The following TRIM41 variants were observed in gnomAD, a reference collection of about 807,000 sequenced individuals.
The protein encoded by TRIM41 is tripartite motif containing 41.
In TRIM41, 21 loss-of-function variants were observed where a neutral mutation model predicts 60.6. That is an observed-to-expected ratio of 0.35 (90% CI 0.25 to 0.50). The LOEUF (loss-of-function observed/expected upper bound fraction) is 0.50, where lower values mean the gene tolerates loss of function less well. Ranked by LOEUF, TRIM41 falls within the 20% of genes least tolerant of loss-of-function variation. The pLI is 0.98. For synonymous variants in TRIM41, 407 were observed against 344.9 expected (o/e 1.18, Z -2.00); for missense variants, 846 against 868.3 (o/e 0.97, Z 0.32).
chr5:181,234,223 C>G lies in TRIM41; in HGVS notation c.1341C>G (p.Ser447=). 1 of 1,613,342 alleles carries G rather than the reference C, an allele frequency of 6.2e-7. No homozygotes were observed. Among genetic ancestry groups the G allele is most frequent in the Non-Finnish European group, 8.5e-7 (1 of 1,179,984 alleles). The part of the protein sequence containing the change: ...PDTAHPALML[S]PDRRGVRLAE... ...CGGCTCACCCGGCCCTGATGCTGTCCCCTGACCGCCGGGGGGTCCGCCTGG... is the reference window on the plus strand; with the variant it reads ...CGGCTCACCCGGCCCTGATGCTGTCGCCTGACCGCCGGGGGGTCCGCCTGG... Residue 447 remains serine, a synonymous_variant, in exon 6 of 6, where the codon TCC becomes TCG. Coordinates refer to ENST00000315073, the MANE Select transcript of TRIM41 (RefSeq NM_033549.5). This position sits in a 1 kb window ranked among gnomAD's most constrained non-coding sequence, Gnocchi z 5.6.
rs370847762 is a variant in TRIM41, at chr5:181,233,669, C to T, written c.1197C>T (p.Val399=). Residue 399 remains valine (V), a synonymous_variant, in exon 5 of 6, where the codon GTC becomes GTT. Transcript: ENST00000315073. The surrounding 1 kb of genome is among the most constrained non-coding windows in gnomAD (Gnocchi z 4.1). ...CEEVQLQPPE[V]WSPDPCQPHS... Reference sequence around the variant, plus strand: ...AGGTACAGCTGCAGCCCCCAGAGGTCTGGTCCCCTGACCCGTGCCAACCCC... The same window carrying T: ...AGGTACAGCTGCAGCCCCCAGAGGTTTGGTCCCCTGACCCGTGCCAACCCC... The T allele has an allele frequency of 3.2e-5, 52 of 1,614,122 alleles. No individual in the cohort carries two copies. The highest frequency in any genetic ancestry group is 3.8e-5 in the Non-Finnish European group (45 of 1,180,052).
intron 1 of TRIM41, 151 bp downstream of exon 1, chr5:181,224,963 A>C (rs1758483893): frequency 1.1e-6 from 1 of 915,362 alleles, no homozygotes. Context: ...ACTGCCACCA[A>C]GGTGGATTAG....
Position 181,234,475 on chromosome 5 carries a change from C to T in TRIM41, c.1593C>T (p.His531=), listed in dbSNP as rs1188892149. ...GSGDASSSRH[H]HRRRRLHLPQ... is the part of the protein sequence containing the mutation. ...GGGATGCCAGCTCCTCGCGCCATCA[C>T]CATCGCCGCCGCCGGCTCCACCTGC... Residue 531 remains histidine (H), a synonymous_variant, in exon 6 of 6, where the codon CAC becomes CAT. Coordinates refer to ENST00000315073, the MANE Select transcript of TRIM41 (RefSeq NM_033549.5). The surrounding 1 kb of genome is among the most constrained non-coding windows in gnomAD (Gnocchi z 5.6). 4 of 1,613,262 alleles carry T rather than the reference C, an allele frequency of 2.5e-6. No individual in the cohort carries two copies. The highest frequency in any genetic ancestry group is 3.3e-5 in the Admixed American group (2 of 59,954).
chr5:181,232,710 A>G lies in TRIM41; in HGVS notation c.961A>G (p.Thr321Ala), dbSNP rs1758857507. Residue 321 changes from threonine to alanine, a missense_variant, in exon 3 of 6, where the codon ACA (threonine) becomes GCA (alanine). Transcript: ENST00000315073. ...AAVASEFGRL[T>A]RFLAEEQAGL... ...GGTGGCCTCGGAGTTTGGGCGACTGACACGGTTTCTGGCTGAAGAGCAGGC... is the reference window on the plus strand; with the variant it reads ...GGTGGCCTCGGAGTTTGGGCGACTGGCACGGTTTCTGGCTGAAGAGCAGGC... 1 of 1,614,014 alleles carries G rather than the reference A, an allele frequency of 6.2e-7. No individual in the cohort carries two copies. Among genetic ancestry groups the G allele is most frequent in the African/African-American group, 1.3e-5 (1 of 74,940 alleles).
chr5:181,234,550 C>T lies in TRIM41; in HGVS notation c.1668C>T (p.Gly556=), dbSNP rs756043941. Residue 556 remains glycine, a synonymous_variant, in exon 6 of 6, where the codon GGC becomes GGT. Coordinates refer to ENST00000315073, the MANE Select transcript of TRIM41 (RefSeq NM_033549.5). The surrounding 1 kb of genome is among the most constrained non-coding windows in gnomAD (Gnocchi z 5.6). ...QREVWCVGTN[G]KRYQAQSSTE... ...AAGTGTGGTGCGTGGGCACCAACGG[C>T]AAACGCTATCAGGCCCAGAGCTCCA... 1.2e-6 allele frequency: 2 copies of T among 1,614,234 alleles called. No individual in the cohort carries two copies. Among genetic ancestry groups the T allele is most frequent in the South Asian group, 2.2e-5 (2 of 91,086 alleles).
At position 181,235,452 on chromosome 5, in the gene TRIM41, T is replaced by C. The variant is rs1759066860; in HGVS notation, c.*677T>C. The C allele has an allele frequency of 6.2e-7, 1 of 1,606,350 alleles. No homozygotes were observed. The highest frequency in any genetic ancestry group is 1.1e-5 in the South Asian group (1 of 90,330). On this transcript the variant is annotated 3_prime_UTR_variant, in exon 6 of 6. Coordinates refer to ENST00000315073, the MANE Select transcript of TRIM41 (RefSeq NM_033549.5). The stretch of plus-strand genomic sequence containing the variant: ...CATCATTACATTAATTACATCAACA[T>C]AAATTATTTCTTCCCCCTTCCCTTT...
In TRIM41 at chr5:181,230,846, G is replaced by A. The variant is rs1561671596; in HGVS notation, c.909+7G>A. The A allele has an allele frequency of 1.9e-6, 3 of 1,610,970 alleles. No individual in the cohort carries two copies. In the South Asian group the frequency reaches 3.3e-5, roughly 18 times the overall value. ...GCGAGTGACAGAACTGAAGGTGGGTGAATGTTCTCGACGGGGCTGATGGGC... is the reference window on the plus strand; with the variant it reads ...GCGAGTGACAGAACTGAAGGTGGGTAAATGTTCTCGACGGGGCTGATGGGC... On this transcript the variant is annotated splice_region_variant and intron_variant, in intron 2 of 5. Coordinates refer to ENST00000315073, the MANE Select transcript of TRIM41 (RefSeq NM_033549.5).
rs369629118 is a variant in TRIM41 at position 181,234,547 on chromosome 5, C to T, written c.1665C>T (p.Asn555=). ...GGGAAGTGTGGTGCGTGGGCACCAA[C>T]GGCAAACGCTATCAGGCCCAGAGCT... ...LQREVWCVGT[N]GKRYQAQSST... The change falls in exon 6 of 6, where the codon AAC becomes AAT. Residue 555 remains asparagine (N), a synonymous_variant. Coordinates refer to ENST00000315073, the MANE Select transcript of TRIM41 (RefSeq NM_033549.5). The surrounding 1 kb of genome is among the most constrained non-coding windows in gnomAD (Gnocchi z 5.6). The T allele has an allele frequency of 4.4e-5, 71 of 1,614,100 alleles. No individual in the cohort carries two copies. The highest frequency in any genetic ancestry group is 1.5e-4 in the African/African-American group (11 of 74,938).
intron 2 of TRIM41, chr5:181,231,173 G>A (rs536455768): frequency 5.7e-5 from 18 of 313,514 alleles, no homozygotes; most frequent in Admixed American, 2.8e-4. Flanking sequence ...AGAAGCTGCC[G>A]GCCCCAGGAT....
At position 181,234,067 on chromosome 5, in the gene TRIM41, G is replaced by A; in HGVS notation, c.1292-107G>A. ...ATCTGAGGCTGGCCTCTGGGATGGTGTGGGGAGCTGGATTCAGGGAGAAAG... is the reference window on the plus strand; with the variant it reads ...ATCTGAGGCTGGCCTCTGGGATGGTATGGGGAGCTGGATTCAGGGAGAAAG... On this transcript the variant is annotated intron_variant, in intron 5 of 5. Transcript: ENST00000315073. This position sits in a 1 kb window ranked among gnomAD's most constrained non-coding sequence, Gnocchi z 5.6. The A allele has an allele frequency of 6.4e-7, 1 of 1,569,142 alleles. No individual in the cohort carries two copies. The highest frequency in any genetic ancestry group is 8.7e-7 in the Non-Finnish European group (1 of 1,154,794).
Position 181,233,789 on chromosome 5 carries a change from CCTTT to C in TRIM41, c.1291+27_1291+30del. The C allele has an allele frequency of 6.2e-7, 1 of 1,614,168 alleles. No homozygotes were observed. The highest frequency in any genetic ancestry group is 1.7e-5 in the Admixed American group (1 of 60,026). On this transcript the variant is annotated intron_variant, in intron 5 of 5. Transcript: ENST00000315073. The surrounding 1 kb of genome is among the most constrained non-coding windows in gnomAD (Gnocchi z 4.1). ...GTAGGGAGGTCACCTCCACGACCTT[CCTTT>C]GCCTTTCCCTTCACAGACCTGAGAC...
Position 181,234,505 on chromosome 5 carries a change from G to A in TRIM41, c.1623G>A (p.Gln541=). The change falls in exon 6 of 6, where the codon CAG becomes CAA. Residue 541 remains glutamine, a synonymous_variant. Coordinates refer to ENST00000315073, the MANE Select transcript of TRIM41 (RefSeq NM_033549.5). This position sits in a 1 kb window ranked among gnomAD's most constrained non-coding sequence, Gnocchi z 5.6. ...GCCGCCGCCGGCTCCACCTGCCCCA[G>A]CAGCCCCTGCTCCAGCGGGAAGTGT... ...HHRRRRLHLP[Q]QPLLQREVWC... 3 of 1,613,964 alleles carry A rather than the reference G, an allele frequency of 1.9e-6. No homozygotes were observed. Among genetic ancestry groups the A allele is most frequent in the Non-Finnish European group, 1.7e-6 (2 of 1,179,898 alleles).
In TRIM41 at chr5:181,233,630, C is replaced by T. The variant is rs765308927; in HGVS notation, c.1164-6C>T. The T allele has an allele frequency of 3.1e-6, 5 of 1,614,010 alleles. No homozygotes were observed. Among genetic ancestry groups the T allele is most frequent in the Admixed American group, 1.7e-5 (1 of 60,000 alleles). ...TCCCACCCCCTGCCCGGTCCCCTTCCTCCAGGTGTGAAGAGGTACAGCTGC... is the reference window on the plus strand; with the variant it reads ...TCCCACCCCCTGCCCGGTCCCCTTCTTCCAGGTGTGAAGAGGTACAGCTGC... On this transcript the variant is annotated splice_region_variant and splice_polypyrimidine_tract_variant and intron_variant, in intron 4 of 5. Coordinates refer to ENST00000315073, the MANE Select transcript of TRIM41 (RefSeq NM_033549.5). The surrounding 1 kb of genome is among the most constrained non-coding windows in gnomAD (Gnocchi z 4.1).
Position 181,233,511 on chromosome 5 carries a change from T to C in TRIM41, c.1163+76T>C. The C allele has an allele frequency of 6.2e-7, 1 of 1,612,800 alleles. No homozygotes were observed. The highest frequency in any genetic ancestry group is 8.5e-7 in the Non-Finnish European group (1 of 1,178,978). On this transcript the variant is annotated intron_variant, in intron 4 of 5. Coordinates refer to ENST00000315073, the MANE Select transcript of TRIM41 (RefSeq NM_033549.5). This position sits in a 1 kb window ranked among gnomAD's most constrained non-coding sequence, Gnocchi z 4.1. ...TCCCTGCTTCTCTTCGGTATCCCTC[T>C]CCTCTCCTTCCTTCCCCAGGACCTG...
At position 181,223,599 on chromosome 5, in the gene TRIM41, C is replaced by G. The variant is rs1758388619; in HGVS notation, c.-401C>G. On this transcript the variant is annotated 5_prime_UTR_variant, in exon 1 of 6. Coordinates refer to ENST00000315073, the MANE Select transcript of TRIM41 (RefSeq NM_033549.5). ...CCCCGCGGGGAAAAAGGGGGAGTAG[C>G]AGGACAGCGGAGGGAAGTCGCGAGC... 3 of 453,768 alleles carry G rather than the reference C, an allele frequency of 6.6e-6. No individual in the cohort carries two copies. The highest frequency in any genetic ancestry group is 2.0e-5 in the African/African-American group (1 of 51,016). The allele number at this position is 453,768 out of a possible 1,614,324, so 28.1% of individuals were successfully genotyped here.
chr5:181,232,073 A>C (rs762832319), intron 2 of TRIM41: 1 of 152,268 alleles, frequency 6.6e-6, no homozygotes, highest in Non-Finnish European at 1.5e-5. Flanking sequence ...TCTTAAGGTC[A>C]CTGTGTTTAA....
Position 181,234,624 on chromosome 5 carries a change from T to G in TRIM41, c.1742T>G (p.Val581Gly). 1.2e-6 allele frequency: 2 copies of G among 1,614,072 alleles called. No individual in the cohort carries two copies. The highest frequency in any genetic ancestry group is 1.7e-6 in the Non-Finnish European group (2 of 1,179,876). ...SPSEKPRRFG[V>G]YLDYEAGRLG... is the part of the protein sequence containing the mutation. The stretch of plus-strand genomic sequence containing the variant: ...AGTGAGAAACCAAGGCGCTTTGGTG[T>G]GTACCTGGACTATGAAGCTGGGCGC... The change falls in exon 6 of 6, where the codon GTG becomes GGG. Residue 581 changes from valine (V) to glycine (G), a missense_variant. Coordinates refer to ENST00000315073, the MANE Select transcript of TRIM41 (RefSeq NM_033549.5). The surrounding 1 kb of genome is among the most constrained non-coding windows in gnomAD (Gnocchi z 5.6).
chr5:181,233,696 T>C lies in TRIM41; in HGVS notation c.1224T>C (p.His408=), dbSNP rs776738083. 4 of 1,614,010 alleles carry C rather than the reference T, an allele frequency of 2.5e-6. No individual in the cohort carries two copies. In the South Asian group the frequency reaches 3.3e-5, roughly 13 times the overall value. Residue 408 remains histidine (H), a synonymous_variant, in exon 5 of 6, where the codon CAT becomes CAC. Coordinates refer to ENST00000315073, the MANE Select transcript of TRIM41 (RefSeq NM_033549.5). This position sits in a 1 kb window ranked among gnomAD's most constrained non-coding sequence, Gnocchi z 4.1. ...EVWSPDPCQP[H]SHDFLTDAIV... ...GGTCCCCTGACCCGTGCCAACCCCA[T>C]AGCCATGACTTCCTGACAGATGCCA...
In TRIM41 at chr5:181,234,764, C is replaced by G; in HGVS notation, c.1882C>G (p.Leu628Val). 6.2e-6 allele frequency: 10 copies of G among 1,611,704 alleles called. No homozygotes were observed. The highest frequency in any genetic ancestry group is 7.6e-6 in the Non-Finnish European group (9 of 1,178,812). Reference sequence around the variant, plus strand: ...GCTCTCCAAGGGCACCCGCATCAAGCTCTGCCCTTGATTATCCTGCCACCC... The same window carrying G: ...GCTCTCCAAGGGCACCCGCATCAAGGTCTGCCCTTGATTATCCTGCCACCC... ...RVLSKGTRIK[L>V]CP Residue 628 changes from leucine to valine, a missense_variant, in exon 6 of 6, where the codon CTC becomes GTC. By Grantham distance (32) the Leu-to-Val change is conservative (BLOSUM62 1). Coordinates refer to ENST00000315073, the MANE Select transcript of TRIM41 (RefSeq NM_033549.5). This position sits in a 1 kb window ranked among gnomAD's most constrained non-coding sequence, Gnocchi z 5.6.
Sources: allele counts gnomAD v4.1 joint callset, GRCh38; gene constraint gnomAD v4.1.1; non-coding constraint Gnocchi (gnomAD v3.1); transcripts MANE v1.5; gene names NCBI Gene and HGNC (gene_info 2026-07-23, HGNC 2026-07-21).